CDH13: variants seen among roughly 807,000 people sequenced by gnomAD.
The protein encoded by CDH13 is cadherin-13.
CDH13 carries 24 observed loss-of-function variants against 63.8 expected under a neutral mutation model. That is an observed-to-expected ratio of 0.38 (90% confidence interval 0.27 to 0.53). The LOEUF (loss-of-function observed/expected upper bound fraction) is 0.53, where lower values mean the gene tolerates loss of function less well. Ranked by LOEUF, CDH13 falls within the 20% of genes least tolerant of loss-of-function variation. The probability of loss-of-function intolerance (pLI) is 0.85; values close to 1 mark genes in which losing one functional copy is unlikely to be tolerated. For synonymous variants in CDH13, 503 were observed against 355.3 expected, an observed-to-expected ratio of 1.42 and a Z score of -4.67; for missense variants, 1,049 against 903.1, an observed-to-expected ratio of 1.16 and a Z score of -2.07.
At chr16:83,108,914 T>C (rs2034920468) in intron 3 of CDH13, among the ~76,000 whole-genome samples, 2 of 152,188 alleles carry the variant, frequency 1.3e-5, no homozygotes, top group Non-Finnish European at 1.5e-5. Context: ...CCTGGAATTC[T>C]CCAGTGGGAA....
chr16:83,061,573 A>G (rs2031553612), intron 3 of CDH13, among the ~76,000 whole-genome samples: 1 of 152,168 alleles, frequency 6.6e-6, no homozygotes, highest in Non-Finnish European at 1.5e-5. Context: ...TATGTCCTGA[A>G]TGACCAGCAG....
intron 2 of CDH13, among the ~76,000 whole-genome samples, chr16:83,017,320 G>C (rs1031924216): frequency 6.6e-6 from 1 of 152,128 alleles, no homozygotes; most frequent in Non-Finnish European, 1.5e-5. Context: ...ATTCCATTTT[G>C]ACACCTTTTT....
At chr16:83,276,464 C>A (rs1429047134) in intron 5 of CDH13, among the ~76,000 whole-genome samples, 2 of 152,140 alleles carry the variant, frequency 1.3e-5, no homozygotes, top group African/African-American at 4.8e-5. Context: ...CATTTTCACC[C>A]TGCTAATTAA....
chr16:83,150,636 GA>G (rs2036938296), intron 4 of CDH13, among the ~76,000 whole-genome samples: 1 of 152,140 alleles, frequency 6.6e-6, no homozygotes, highest in South Asian at 2.1e-4. Flanking sequence ...TGTCCTTATA[GA>G]GCGTTTTTTA....
intron 1 of CDH13, among the ~76,000 whole-genome samples, chr16:82,688,443 A>C (rs1363839136): frequency 1.3e-5 from 2 of 152,242 alleles, no homozygotes; most frequent in Non-Finnish European, 2.9e-5. Context: ...TGAAGCTCAC[A>C]AGTTCAGCCC....
chr16:83,692,337 T>G (rs1393349610), intron 10 of CDH13, among the ~76,000 whole-genome samples: 1 of 152,170 alleles, frequency 6.6e-6, no homozygotes, highest in Non-Finnish European at 1.5e-5. Context: ...CTCCCTGGAC[T>G]CAAGGTTGCA....
chr16:83,125,413 C>G lies in CDH13; in HGVS notation c.395C>G (p.Pro132Arg). ...ATATTTAAATTTGCAAGAACTTCTC[C>G]TGTCCCAAGACAAAAGAGGTCCATT... ...QDIFKFARTS[P>R]VPRQKRSIVV... The change falls in exon 4 of 14, where the codon CCT (proline) becomes CGT (arginine). Residue 132 changes from proline to arginine, a missense_variant. Transcript: ENST00000567109. 2 of 1,606,308 alleles carry G rather than the reference C, an allele frequency of 1.2e-6. No homozygotes were observed. Among genetic ancestry groups the G allele is most frequent in the South Asian group, 2.2e-5 (2 of 90,856 alleles).
At chr16:83,147,142 A>G (rs1236458393) in intron 4 of CDH13, among the ~76,000 whole-genome samples, 3 of 152,200 alleles carry the variant, frequency 2.0e-5, no homozygotes, top group African/African-American at 7.2e-5. Flanking sequence ...GCATAGTGTA[A>G]CATGATTTTT....
At chr16:83,336,431 C>A (rs1003818475) in intron 5 of CDH13, among the ~76,000 whole-genome samples, 2 of 152,080 alleles carry the variant, frequency 1.3e-5, no homozygotes, top group Non-Finnish European at 2.9e-5. Flanking sequence ...AGCATCTACG[C>A]TAAAAAACAT....
intron 3 of CDH13, among the ~76,000 whole-genome samples, chr16:83,039,747 C>A (rs1376838510): frequency 1.3e-5 from 2 of 152,044 alleles, no homozygotes; most frequent in Admixed American, 1.3e-4. Flanking sequence ...CTACATTGAA[C>A]TCTCCCTCCT....
chr16:82,635,975 G>T (rs1325382236), intron 1 of CDH13, among the ~76,000 whole-genome samples: 1 of 152,022 alleles, frequency 6.6e-6, no homozygotes, highest in African/African-American at 2.4e-5. Context: ...TAAGTTTCCT[G>T]AGGCCTTTGC....
At chr16:83,059,789 G>GTTTTT (rs1256608391) in intron 3 of CDH13, among the ~76,000 whole-genome samples, 13 of 98,742 alleles carry the variant, frequency 1.3e-4, no homozygotes, top group African/African-American at 4.9e-4. Context: ...TTTTTTTTTT[G>GTTTTT]TTTGTTTTTT....
At chr16:82,986,128 T>A (rs1219767779) in intron 2 of CDH13, among the ~76,000 whole-genome samples, 3 of 152,244 alleles carry the variant, frequency 2.0e-5, no homozygotes, top group African/African-American at 7.2e-5. Flanking sequence ...ATTGTAGAGA[T>A]GTTGTGGGAC....
In CDH13 at chr16:83,113,020, G is replaced by A. The variant is rs1027952971; in HGVS notation, c.367-12365G>A. Among the ~76,000 whole-genome samples the A allele has an allele frequency of 7.0e-4, 107 of 152,170 alleles. 1 individual carries two copies. Among genetic ancestry groups the A allele is most frequent in the African/African-American group, 2.2e-3 (93 of 41,432 alleles). On this transcript the variant is annotated intron_variant, in intron 3 of 13. Transcript: ENST00000567109. ...TTGGATGGCAGAAGTTACAAGGAAC[G>A]CAAAAGCAGGGAGCGTGAGCCAACA... is the stretch of plus-strand genomic sequence containing the variant.
chr16:83,069,888 C>G (rs1308743825), intron 3 of CDH13, among the ~76,000 whole-genome samples: 2 of 152,184 alleles, frequency 1.3e-5, no homozygotes, highest in Non-Finnish European at 2.9e-5. Flanking sequence ...AATGTTGATT[C>G]TTGCTCTCTC....
chr16:83,765,318 A>C (rs393343), intron 11 of CDH13, among the ~76,000 whole-genome samples: 149,471 of 152,194 alleles, frequency 0.98, 73,451 homozygotes, highest in East Asian at 1. Flanking sequence ...TTTTTCTTTT[A>C]TCTAAAGTCA....
intron 6 of CDH13, among the ~76,000 whole-genome samples, chr16:83,458,230 T>C (rs1188455807): frequency 6.6e-6 from 1 of 152,214 alleles, no homozygotes; most frequent in Non-Finnish European, 1.5e-5. Flanking sequence ...CTCCTGTACT[T>C]GACACCTGGT....
intron 1 of CDH13, among the ~76,000 whole-genome samples, chr16:82,692,648 C>T (rs74028550): frequency 0.027 from 4,098 of 152,274 alleles, 178 homozygotes; most frequent in African/African-American, 0.094. Flanking sequence ...CATCAGAAAC[C>T]TTCTGAGAGG....
chr16:83,432,775 A>G (rs1332402124), intron 6 of CDH13, among the ~76,000 whole-genome samples: 5 of 152,200 alleles, frequency 3.3e-5, no homozygotes, highest in Non-Finnish European at 7.3e-5. Context: ...TCTTGCACAC[A>G]GCCTCAGAGC....
Sources: gnomAD v4.1 joint callset for allele counts (sites outside exome capture counted in the v4.1 genomes callset) on GRCh38, gnomAD v4.1.1 for gene constraint, MANE v1.5 for transcripts, NCBI Gene and HGNC (gene_info 2026-07-23, HGNC 2026-07-21) for gene names.